MALRD1: variants seen among roughly 807,000 people sequenced by gnomAD.
MALRD1 encodes the protein MAM and LDL-receptor class A domain-containing protein 1.
MALRD1 carries 247 observed loss-of-function variants against 242.1 expected under a neutral mutation model. The ratio of observed to expected loss-of-function variants is 1.02; its 90% CI spans 0.92 to 1.13. The LOEUF (loss-of-function observed/expected upper bound fraction) is 1.13. MALRD1 is among the 50% of genes most tolerant of loss of function. MALRD1 has a pLI of 0.00. For missense variants in MALRD1, 2,989 were observed against 2,533.1 expected, an observed-to-expected ratio of 1.18 and a Z score of -3.86; for synonymous variants, 995 against 866.6, an observed-to-expected ratio of 1.15 and a Z score of -2.60.
At chr10:19,207,530 T>C (rs1836839138) in intron 17 of MALRD1, among the ~76,000 whole-genome samples, 1 of 152,120 alleles carries the variant, frequency 6.6e-6, no homozygotes, top group South Asian at 2.1e-4. Context: ...AGAAAGAGTC[T>C]CCCTCTGTTG....
intron 6 of MALRD1, 74 bp from the exon 7 acceptor site, chr10:19,124,450 T>C: frequency 8.3e-7 from 1 of 1,199,326 alleles, no homozygotes; most frequent in Non-Finnish European, 1.0e-6. Flanking sequence ...TTTTGGTTGA[T>C]TACAACACAT....
rs77776857 is a variant in MALRD1, at chr10:19,729,560, G to C, written c.6315-1146G>C. 2.3e-3 allele frequency among the ~76,000 whole-genome samples: 347 copies of C among 150,876 alleles called. 9 individuals carry two copies. In the East Asian group the frequency reaches 0.05, roughly 22 times the overall value. ...GTATAGGATCCTTTCTTATGTGTGT[G>C]TGTGTGTACACATGTGTGTATAGGA... On this transcript the variant is annotated intron_variant, in intron 38 of 39. Transcript: ENST00000454679.
At chr10:19,731,957 C>G (rs953389321) in intron 39 of MALRD1, among the ~76,000 whole-genome samples, 1 of 151,958 alleles carries the variant, frequency 6.6e-6, no homozygotes, top group Non-Finnish European at 1.5e-5. Flanking sequence ...GTGCTGTGGC[C>G]GAAGCCTAAC....
intron 21 of MALRD1, among the ~76,000 whole-genome samples, chr10:19,293,550 C>T (rs1380970216): frequency 1.3e-5 from 2 of 152,080 alleles, no homozygotes; most frequent in African/African-American, 2.4e-5. Context: ...GATATTTTAT[C>T]TGGATAATTT....
intron 28 of MALRD1, 136 bp from the exon 29 acceptor site, chr10:19,450,171 C>T: frequency 1.3e-6 from 1 of 746,248 alleles, no homozygotes; most frequent in Non-Finnish European, 2.1e-6. Flanking sequence ...TCACCTTTCA[C>T]AGATTCAGTG....
At chr10:19,317,161 T>C (rs112437784) in intron 21 of MALRD1, among the ~76,000 whole-genome samples, 54 of 151,972 alleles carry the variant, frequency 3.6e-4, no homozygotes, top group Middle Eastern at 3.4e-3. Context: ...GGGTTGCTTA[T>C]AAACAACAAA....
At chr10:19,193,298 G>C (rs1351036446) in intron 14 of MALRD1, among the ~76,000 whole-genome samples, 2 of 152,174 alleles carry the variant, frequency 1.3e-5, no homozygotes, top group Admixed American at 1.3e-4. Flanking sequence ...GCTCACACCT[G>C]TAATCTCAGC....
chr10:19,589,332 C>G (rs1006401040), intron 33 of MALRD1, among the ~76,000 whole-genome samples: 1 of 152,172 alleles, frequency 6.6e-6, no homozygotes, highest in Non-Finnish European at 1.5e-5. Flanking sequence ...ACTCCACACC[C>G]TTGTTCCTTA....
At chr10:19,615,616 T>C (rs2131610132) in intron 35 of MALRD1, among the ~76,000 whole-genome samples, 1 of 151,232 alleles carries the variant, frequency 6.6e-6, no homozygotes, top group South Asian at 2.1e-4. Flanking sequence ...TAAAAAGTCT[T>C]CTGTTTTTGC....
Position 19,163,137 on chromosome 10 carries a change from T to TAAAAAAAAAAA in MALRD1, c.1657-2482_1657-2472dup, listed in dbSNP as rs58034381. The stretch of plus-strand genomic sequence containing the variant: ...TGAACAACTGGAGTGAAACCCTGTC[T>TAAAAAAAAAAA]AAAAAAAAAAAAAAAAAAAAAAAAA... On this transcript the variant is annotated intron_variant, in intron 12 of 39. Transcript: ENST00000454679. 5.9e-4 allele frequency among the ~76,000 whole-genome samples: 26 copies of TAAAAAAAAAAA among 43,848 alleles called. 1 individual carries two copies. Among genetic ancestry groups the TAAAAAAAAAAA allele is most frequent in the African/African-American group, 7.4e-4 (9 of 12,112 alleles). The allele number at this position is 43,848 out of a possible 152,430, so 28.8% of individuals were successfully genotyped here.
chr10:19,638,101 CAAAA>C (rs56865342), intron 36 of MALRD1, among the ~76,000 whole-genome samples: 1 of 41,926 alleles, frequency 2.4e-5, no homozygotes, highest in Admixed American at 3.8e-4. Context: ...AACTCACTCT[CAAAA>C]AAAAAAAAAA....
chr10:19,057,850 A>G (rs764560980), intron 1 of MALRD1, among the ~76,000 whole-genome samples: 3 of 152,216 alleles, frequency 2.0e-5, no homozygotes, highest in Admixed American at 6.5e-5. Context: ...AATTTTCATT[A>G]TTAGGTATGA....
rs78483209 is a variant in MALRD1 at position 19,676,049 on chromosome 10, C to T, written c.6138-16233C>T. ...TCTTCCAGCCAATGAAAACAGATGT[C>T]GTGGAAAGCCCTTGAAGTATGAGAG... On this transcript the variant is annotated intron_variant, in intron 36 of 39. Coordinates refer to ENST00000454679, the MANE Select transcript of MALRD1 (RefSeq NM_001142308.3). 2.0e-3 allele frequency among the ~76,000 whole-genome samples: 298 copies of T among 152,158 alleles called. 2 individuals are homozygous for T. The highest frequency in any genetic ancestry group is 6.9e-3 in the African/African-American group (286 of 41,510).
intron 21 of MALRD1, among the ~76,000 whole-genome samples, chr10:19,300,458 A>G (rs1841900571): frequency 1.3e-5 from 2 of 151,990 alleles, no homozygotes; most frequent in Admixed American, 6.6e-5. Context: ...CCAATAAACT[A>G]TATTACAAAG....
At chr10:19,364,432 G>A (rs1845027322) in intron 26 of MALRD1, among the ~76,000 whole-genome samples, 1 of 152,036 alleles carries the variant, frequency 6.6e-6, no homozygotes, top group Non-Finnish European at 1.5e-5. Flanking sequence ...AAAACCAAAA[G>A]ACTACATTTT....
At chr10:19,614,400 A>G (rs956451954) in intron 35 of MALRD1, among the ~76,000 whole-genome samples, 1 of 151,922 alleles carries the variant, frequency 6.6e-6, no homozygotes. Flanking sequence ...TTAAAGACAG[A>G]GGAAATTTTA....
At chr10:19,364,685 A>C (rs1489324181) in intron 26 of MALRD1, among the ~76,000 whole-genome samples, 2 of 152,150 alleles carry the variant, frequency 1.3e-5, no homozygotes, top group African/African-American at 4.8e-5. Context: ...TTTCTCTTGG[A>C]AGAAAAATAT....
chr10:19,604,697 A>G (rs1838523137), intron 34 of MALRD1, among the ~76,000 whole-genome samples: 1 of 152,178 alleles, frequency 6.6e-6, no homozygotes, highest in African/African-American at 2.4e-5. Flanking sequence ...TAGGACTTCC[A>G]CAGCTAGAGA....
At chr10:19,335,383 C>T (rs922627178) in intron 24 of MALRD1, among the ~76,000 whole-genome samples, 5 of 151,970 alleles carry the variant, frequency 3.3e-5, no homozygotes, top group Admixed American at 3.3e-4. Flanking sequence ...TTTAACATAG[C>T]ATTGCTAATT....
Sources: allele counts gnomAD v4.1 joint callset (sites outside exome capture counted in the v4.1 genomes callset), GRCh38; gene constraint gnomAD v4.1.1; transcripts MANE v1.5; gene names NCBI Gene and HGNC (gene_info 2026-07-23, HGNC 2026-07-21).